KCNH5: variants seen among roughly 807,000 people sequenced by gnomAD.
KCNH5 encodes voltage-gated delayed rectifier potassium channel KCNH5.
In KCNH5, 46 loss-of-function variants were observed where a neutral mutation model predicts 96.1. The ratio of observed to expected loss-of-function variants is 0.48; its 90% confidence interval spans 0.38 to 0.61. The LOEUF is 0.61. Among genes scored for constraint, KCNH5 ranks in the 20% least tolerant of loss-of-function variants. The pLI, the probability that KCNH5 is intolerant of heterozygous loss-of-function variation, is 0.00. For missense variants in KCNH5, 907 were observed against 1,225.8 expected (o/e 0.74, Z 3.88); for synonymous variants, 439 against 449.8 (o/e 0.98, Z 0.30).
chr14:62,889,179 G>A (rs1266703084), intron 7 of KCNH5, among the ~76,000 whole-genome samples: 1 of 152,120 alleles, frequency 6.6e-6, no homozygotes, highest in African/African-American at 2.4e-5. Flanking sequence ...GGCTACTCAT[G>A]GAAATGCAAA....
chr14:62,847,079 C>T (rs966705266), intron 8 of KCNH5, among the ~76,000 whole-genome samples: 1 of 147,654 alleles, frequency 6.8e-6, no homozygotes, highest in Non-Finnish European at 1.5e-5. Context: ...GGATTACAGG[C>T]GTGAGCCACC....
intron 6 of KCNH5, among the ~76,000 whole-genome samples, chr14:62,977,616 A>C (rs1289158994): frequency 1.3e-5 from 2 of 152,170 alleles, no homozygotes; most frequent in Non-Finnish European, 2.9e-5. Context: ...CCCTGAAAAA[A>C]TTTGAAAATG....
intron 7 of KCNH5, among the ~76,000 whole-genome samples, chr14:62,868,154 C>G (rs977376988): frequency 3.9e-5 from 6 of 152,210 alleles, no homozygotes; most frequent in African/African-American, 1.4e-4. Flanking sequence ...CTGGAAGGCA[C>G]TTTATCTGAT....
At position 62,909,030 on chromosome 14, in the gene KCNH5, G is replaced by GTTT. The variant is rs1566703759; in HGVS notation, c.1369+41102_1369+41103insAAA. On this transcript the variant is annotated intron_variant, in intron 7 of 10. Coordinates refer to ENST00000322893, the MANE Select transcript of KCNH5 (RefSeq NM_139318.5). Reference sequence around the variant, plus strand: ...TCAAACATAGAAAACACTATGCTACGTATTTTTTTTTTTTTTTTTTTTTTT... The same window carrying GTTT: ...TCAAACATAGAAAACACTATGCTACGTTTTATTTTTTTTTTTTTTTTTTTTTTT... Among the ~76,000 whole-genome samples, 24 of 100,774 alleles carry GTTT rather than the reference G, an allele frequency of 2.4e-4. 1 individual carries two copies. The highest frequency in any genetic ancestry group is 6.8e-4 in the African/African-American group (17 of 25,032). 66.1% of individuals were successfully genotyped at this position (100,774 alleles called of 152,430 possible). A position where few individuals can be genotyped will look rare whatever the true frequency, so the allele number is the denominator to read the frequency against.
chr14:62,747,583 C>T (rs1002023582), intron 10 of KCNH5, among the ~76,000 whole-genome samples: 21 of 152,160 alleles, frequency 1.4e-4, no homozygotes, highest in African/African-American at 5.1e-4. Context: ...GAGCTTAGAA[C>T]CTGTAGTTAA....
intron 6 of KCNH5, among the ~76,000 whole-genome samples, chr14:62,972,721 C>A (rs1026814969): frequency 1.3e-5 from 2 of 151,864 alleles, no homozygotes; most frequent in Non-Finnish European, 2.9e-5. Context: ...ACAGAGGAAC[C>A]TTAAATGCCT....
chr14:62,992,699 T>C (rs1010897450), intron 4 of KCNH5, among the ~76,000 whole-genome samples: 2 of 152,064 alleles, frequency 1.3e-5, no homozygotes, highest in Non-Finnish European at 2.9e-5. Context: ...GGGTGCCTTA[T>C]AAATTCTAGA....
intron 4 of KCNH5, among the ~76,000 whole-genome samples, chr14:62,998,688 T>G (rs1199219852): frequency 1.3e-5 from 2 of 152,228 alleles, no homozygotes; most frequent in East Asian, 3.8e-4. Context: ...TTTTTCTAAC[T>G]TATCTTAAGG....
chr14:62,725,221 G>A (rs1884897849), intron 10 of KCNH5, among the ~76,000 whole-genome samples: 1 of 152,070 alleles, frequency 6.6e-6, no homozygotes, highest in African/African-American at 2.4e-5. Flanking sequence ...AAAGCCACTT[G>A]TACTCCCAAA....
intron 7 of KCNH5, among the ~76,000 whole-genome samples, chr14:62,921,515 G>T (rs1243927597): frequency 6.6e-6 from 1 of 152,074 alleles, no homozygotes; most frequent in Admixed American, 6.6e-5. Context: ...AGAAGGATTT[G>T]GAGATGACTT....
At chr14:62,893,559 C>T (rs996707828) in intron 7 of KCNH5, among the ~76,000 whole-genome samples, 10 of 152,040 alleles carry the variant, frequency 6.6e-5, no homozygotes, top group Non-Finnish European at 1.2e-4. Context: ...AGTTTGTGAC[C>T]AGTCTGGCCA....
intron 10 of KCNH5, among the ~76,000 whole-genome samples, chr14:62,718,678 T>A (rs1032205574): frequency 1.3e-5 from 2 of 152,078 alleles, no homozygotes; most frequent in African/African-American, 2.4e-5. Context: ...AATCATAGAG[T>A]AGCCATATGA....
At chr14:62,771,449 A>AC (rs763866273) in intron 10 of KCNH5, among the ~76,000 whole-genome samples, 28 of 151,766 alleles carry the variant, frequency 1.8e-4, no homozygotes, top group Non-Finnish European at 2.9e-4. Context: ...ACATGGTGAA[A>AC]CCCCGTCTCT....
At chr14:62,709,116 C>T (rs1269299032) in intron 10 of KCNH5, among the ~76,000 whole-genome samples, 1 of 150,558 alleles carries the variant, frequency 6.6e-6, no homozygotes, top group Non-Finnish European at 1.5e-5. Flanking sequence ...GCCTGTAGTC[C>T]CAGCTACTCG....
intron 7 of KCNH5, among the ~76,000 whole-genome samples, chr14:62,903,430 A>G (rs898983971): frequency 6.6e-6 from 1 of 152,240 alleles, no homozygotes; most frequent in African/African-American, 2.4e-5. Context: ...GAAGCAAGGA[A>G]CACATACTAT....
chr14:63,027,541 G>T (rs1891547806), intron 1 of KCNH5, among the ~76,000 whole-genome samples: 1 of 150,942 alleles, frequency 6.6e-6, no homozygotes, highest in Non-Finnish European at 1.5e-5. Context: ...ATACTTTAGG[G>T]TATACTATAC....
intron 10 of KCNH5, among the ~76,000 whole-genome samples, chr14:62,774,483 G>C (rs1886055814): frequency 6.6e-6 from 1 of 152,144 alleles, no homozygotes; most frequent in African/African-American, 2.4e-5. Context: ...AAAAATCATT[G>C]TGCAACAAAT....
chr14:62,761,577 G>T (rs1885751767), intron 10 of KCNH5, among the ~76,000 whole-genome samples: 1 of 152,122 alleles, frequency 6.6e-6, no homozygotes, highest in African/African-American at 2.4e-5. Flanking sequence ...TGTTGCCTTG[G>T]GGGTTGGGGA....
At chr14:62,833,464 T>C (rs1887401624) in intron 8 of KCNH5, among the ~76,000 whole-genome samples, 2 of 152,120 alleles carry the variant, frequency 1.3e-5, no homozygotes, top group African/African-American at 2.4e-5. Context: ...CATGGGTTTA[T>C]TTATGGTCTT....
Sources: allele counts gnomAD v4.1 joint callset (sites outside exome capture counted in the v4.1 genomes callset), GRCh38; gene constraint gnomAD v4.1.1; transcripts MANE v1.5; gene names NCBI Gene and HGNC (gene_info 2026-07-23, HGNC 2026-07-21).